Variants in MYO5A observed in about 807,000 individuals in gnomAD.
MYO5A encodes unconventional myosin-Va.
In MYO5A, 98 loss-of-function variants were observed where a neutral mutation model predicts 249.7. That is an observed-to-expected ratio of 0.39 (90% CI 0.33 to 0.46). MYO5A has a LOEUF of 0.46. Ranked by LOEUF, MYO5A falls within the 20% of genes least tolerant of loss-of-function variation. MYO5A has a pLI of 0.98. For synonymous variants in MYO5A, 778 were observed against 810.6 expected, an observed-to-expected ratio of 0.96 and a Z score of 0.68; for missense variants, 1,696 against 2,308.8, an observed-to-expected ratio of 0.73 and a Z score of 5.44.
intron 1 of MYO5A, among the ~76,000 whole-genome samples, chr15:52,444,925 G>A (rs934764130): frequency 2.0e-5 from 3 of 152,186 alleles, no homozygotes; most frequent in Admixed American, 1.3e-4. Context: ...CATTATATGA[G>A]ACAATATGGA....
intron 24 of MYO5A, among the ~76,000 whole-genome samples, chr15:52,362,131 T>G (rs1398393508): frequency 2.6e-5 from 4 of 152,184 alleles, no homozygotes; most frequent in African/African-American, 9.7e-5. Context: ...CTACAGTACT[T>G]CTTGTACTAG....
At chr15:52,481,464 C>A (rs2076713140) in intron 1 of MYO5A, among the ~76,000 whole-genome samples, 1 of 152,174 alleles carries the variant, frequency 6.6e-6, no homozygotes, top group African/African-American at 2.4e-5. Flanking sequence ...CAAAGTTCTG[C>A]TGATGAGATG....
intron 32 of MYO5A, 83 bp downstream of exon 32, chr15:52,340,113 A>G (rs1029927058): frequency 2.0e-6 from 3 of 1,482,918 alleles, no homozygotes; most frequent in African/African-American, 2.8e-5. Flanking sequence ...TCCCAGCAAG[A>G]AAAACCCGTG....
At chr15:52,388,948 A>G (rs2042089551) in intron 13 of MYO5A, among the ~76,000 whole-genome samples, 1 of 152,124 alleles carries the variant, frequency 6.6e-6, no homozygotes, top group South Asian at 2.1e-4. Flanking sequence ...ACTATAAATA[A>G]TCTCATGTTA....
rs375781668 is a variant in MYO5A at position 52,330,371 on chromosome 15, C to T, written c.4537G>A (p.Val1513Ile). Residue 1513 changes from valine to isoleucine, a missense_variant, in exon 35 of 42, where the codon GTT becomes ATT. Transcript: ENST00000399233. ...EYKKEDEQKL[V>I]KNLILELKPR... ...TACTTGCCCAGAATCAGGTTCTTAA[C>T]AAGTTTTTGCTCATCCTCCTTCTTG... The T allele has an allele frequency of 3.7e-6, 6 of 1,614,094 alleles. No homozygotes were observed. The highest frequency in any genetic ancestry group is 5.1e-6 in the Non-Finnish European group (6 of 1,179,988).
chr15:52,437,594 CAAAA>C (rs57299562), intron 1 of MYO5A, among the ~76,000 whole-genome samples: 6 of 73,890 alleles, frequency 8.1e-5, no homozygotes, highest in East Asian at 3.6e-4. Context: ...GACTCCATCT[CAAAA>C]AAAAAAAAAA....
chr15:52,467,585 G>A (rs2076377528), intron 1 of MYO5A, among the ~76,000 whole-genome samples: 1 of 152,130 alleles, frequency 6.6e-6, no homozygotes, highest in Admixed American at 6.6e-5. Context: ...AATGCAAAAA[G>A]TTCTGAAAAC....
rs2076173992 is a variant in MYO5A at position 52,458,867 on chromosome 15, A to T, written c.28-25582T>A. ...ACTGTCAAATTTTAAAATATTAGAA[A>T]TTTGAAAATATTGGCAAGGGCACAG... On this transcript the variant is annotated intron_variant, in intron 1 of 41. Transcript: ENST00000399233. Among the ~76,000 whole-genome samples the T allele has an allele frequency of 4.6e-5, 7 of 152,284 alleles. No homozygotes were observed. The South Asian group carries it at 1.2e-3, about 27-fold the overall frequency.
chr15:52,487,989 G>C (rs1017338966), intron 1 of MYO5A, among the ~76,000 whole-genome samples: 1 of 151,882 alleles, frequency 6.6e-6, no homozygotes, highest in African/African-American at 2.4e-5. Flanking sequence ...TCTAATTCTG[G>C]GTGAGGCCTC....
chr15:52,472,695 A>AT, intron 1 of MYO5A, among the ~76,000 whole-genome samples: 1 of 152,072 alleles, frequency 6.6e-6, no homozygotes, highest in Non-Finnish European at 1.5e-5. Context: ...TTCCAGCTTC[A>AT]CTGATGACCT....
chr15:52,357,827 C>T (rs966358456), intron 25 of MYO5A, among the ~76,000 whole-genome samples: 10 of 152,142 alleles, frequency 6.6e-5, no homozygotes, highest in South Asian at 6.2e-4. Flanking sequence ...GACTTTGTCA[C>T]CCAGGGCTTT....
rs532996310 is a variant in MYO5A, at chr15:52,411,373, T to C, written c.613-897A>G. Among the ~76,000 whole-genome samples the C allele has an allele frequency of 2.6e-5, 4 of 152,296 alleles. No individual in the cohort carries two copies. The East Asian group carries it at 7.7e-4, about 29-fold the overall frequency. On this transcript the variant is annotated intron_variant, in intron 5 of 41. Transcript: ENST00000399233. ...ATTTTCAGAACCAGAAAAAGTAAAA[T>C]TTGGCTTTGGATTTTGATAGTTAAA... is the stretch of plus-strand genomic sequence containing the variant.
intron 39 of MYO5A, among the ~76,000 whole-genome samples, chr15:52,318,044 G>C (rs2038109719): frequency 6.6e-6 from 1 of 152,202 alleles, no homozygotes; most frequent in African/African-American, 2.4e-5. Context: ...TTCAATGTAA[G>C]TCAGGATGGA....
At chr15:52,416,812 G>A (rs2043520232) in intron 4 of MYO5A, among the ~76,000 whole-genome samples, 1 of 152,202 alleles carries the variant, frequency 6.6e-6, no homozygotes, top group South Asian at 2.1e-4. Context: ...TCTTCACAAT[G>A]CCTGGGAAAG....
intron 20 of MYO5A, 123 bp from the exon 21 acceptor site, chr15:52,372,486 A>G (rs2041178203): frequency 1.6e-6 from 2 of 1,285,380 alleles, no homozygotes; most frequent in African/African-American, 1.5e-5. Flanking sequence ...TGAATTGACA[A>G]TGTACTATGT....
At chr15:52,443,624 T>C (rs2075828761) in intron 1 of MYO5A, among the ~76,000 whole-genome samples, 1 of 151,140 alleles carries the variant, frequency 6.6e-6, no homozygotes, top group Non-Finnish European at 1.5e-5. Context: ...GGCAGAACTG[T>C]TTGAACCAGG....
chr15:52,426,541 C>T (rs990873321), intron 3 of MYO5A, among the ~76,000 whole-genome samples: 1 of 152,206 alleles, frequency 6.6e-6, no homozygotes, highest in Non-Finnish European at 1.5e-5. Context: ...TGGCTCACTA[C>T]AGCCTAGACC....
chr15:52,323,146 CTA>C (rs2038413333), intron 37 of MYO5A, among the ~76,000 whole-genome samples: 1 of 152,210 alleles, frequency 6.6e-6, no homozygotes, highest in East Asian at 1.9e-4. Flanking sequence ...TTATTTTTCT[CTA>C]TGCTTTCTCA....
At chr15:52,336,096 C>T (rs2039106484) in intron 34 of MYO5A, among the ~76,000 whole-genome samples, 1 of 152,156 alleles carries the variant, frequency 6.6e-6, no homozygotes, top group Admixed American at 6.5e-5. Context: ...GGTTCAGAAA[C>T]TTGCCCAATA....
Sources: allele counts gnomAD v4.1 joint callset (sites outside exome capture counted in the v4.1 genomes callset), GRCh38; gene constraint gnomAD v4.1.1; transcripts MANE v1.5; gene names NCBI Gene and HGNC (gene_info 2026-07-23, HGNC 2026-07-21).